Variants in DENND6A observed in about 807,000 individuals in gnomAD.
DENND6A encodes the protein protein DENND6A.
In DENND6A, 43 loss-of-function variants were observed where a neutral mutation model predicts 95.5. The ratio of observed to expected loss-of-function variants is 0.45; its 90% CI spans 0.35 to 0.58. The LOEUF (loss-of-function observed/expected upper bound fraction) is 0.58. Ranked by LOEUF, DENND6A falls within the 20% of genes least tolerant of loss-of-function variation. The pLI is 0.00. For missense variants in DENND6A, 574 were observed against 736.0 expected, an observed-to-expected ratio of 0.78 and a Z score of 2.55; for synonymous variants, 257 against 260.4, an observed-to-expected ratio of 0.99 and a Z score of 0.13.
At position 57,628,253 on chromosome 3, in the gene DENND6A, C is replaced by A. The variant is rs764217541; in HGVS notation, c.1788G>T (p.Glu596Asp). The A allele has an allele frequency of 1.9e-5, 31 of 1,613,988 alleles. No individual in the cohort carries two copies. Among genetic ancestry groups the A allele is most frequent in the Non-Finnish European group, 2.6e-5 (31 of 1,179,998 alleles). The stretch of plus-strand genomic sequence containing the variant: ...TTTTGAGCAGTATGCCTTGCAAGTC[C>A]TCTGGCAATGCTAAGATAATGGCAT... Reference protein sequence around the residue: ...HIDAIILALPEDLQGILLKTG... With the variant: ...HIDAIILALPDDLQGILLKTG... The change falls in exon 20 of 20, where the codon GAG becomes GAT. Residue 596 changes from glutamate to aspartate, a missense_variant. By Grantham distance (45) the Glu-to-Asp change is conservative. Around this residue, in one of 2 missense-constraint regions of DENND6A, gnomAD observed 452 missense variants for 630.9 expected, o/e 0.72. Coordinates refer to ENST00000311128, the MANE Select transcript of DENND6A (RefSeq NM_152678.3).
At chr3:57,634,470 A>ATTAGTAT (rs2153412353) in intron 14 of DENND6A, 88 bp downstream of exon 14, 2 of 641,820 alleles carry the variant, frequency 3.1e-6, no homozygotes, top group Admixed American at 4.2e-5. Context: ...CCTATTTCAC[A>ATTAGTAT]TTAGTATACA....
At position 57,672,418 on chromosome 3, in the gene DENND6A, G is replaced by A. The variant is rs764169037; in HGVS notation, c.258C>T (p.Ser86=). Residue 86 remains serine, a synonymous_variant, in exon 2 of 20, where the codon TCC becomes TCT. Coordinates refer to ENST00000311128, the MANE Select transcript of DENND6A (RefSeq NM_152678.3). ...QAVEVIYPQH[S]KLTDREKTNI... ...TACTTACTTCTCTGTCAGTAAGTTT[G>A]GAATGCTGAGGATAAATTACCTGGA... 1.2e-6 allele frequency: 2 copies of A among 1,612,438 alleles called. No individual in the cohort carries two copies. Among genetic ancestry groups the A allele is most frequent in the Non-Finnish European group, 1.7e-6 (2 of 1,179,290 alleles).
intron 4 of DENND6A, 137 bp from the exon 5 acceptor site, chr3:57,663,853 A>T (rs967631876): frequency 2.1e-5 from 9 of 432,962 alleles, no homozygotes; most frequent in Non-Finnish European, 3.7e-5. Context: ...ATATACACGA[A>T]GAGCTAGTTA....
intron 9 of DENND6A, chr3:57,654,874 ATTC>A: frequency 1.3e-6 from 1 of 795,676 alleles, no homozygotes; most frequent in Non-Finnish European, 1.5e-6. Context: ...GTAAACTTTC[ATTC>A]ACACTAATAA....
At chr3:57,641,868 A>C (rs1289213726) in intron 11 of DENND6A, 121 bp from the exon 12 acceptor site, 3 of 687,280 alleles carry the variant, frequency 4.4e-6, no homozygotes. Context: ...TCCTTTATTC[A>C]ACACATTACA....
At chr3:57,646,628 A>T (rs561899716) in intron 9 of DENND6A, among the ~76,000 whole-genome samples, 190 bp from the exon 10 acceptor site, 5 of 152,360 alleles carry the variant, frequency 3.3e-5, no homozygotes, top group Admixed American at 2.0e-4. Flanking sequence ...CCACATAAAA[A>T]TATCTATCAA....
At chr3:57,653,488 G>A (rs2071253206) in intron 9 of DENND6A, among the ~76,000 whole-genome samples, 2 of 151,968 alleles carry the variant, frequency 1.3e-5, no homozygotes, top group African/African-American at 4.8e-5. Context: ...GCTCACGCCT[G>A]TAATCCCAGC....
chr3:57,686,927 G>A (rs2077216552), intron 1 of DENND6A, among the ~76,000 whole-genome samples: 1 of 152,204 alleles, frequency 6.6e-6, no homozygotes, highest in Admixed American at 6.5e-5. Context: ...AATGATTTAA[G>A]TTTAATGAGG....
At chr3:57,659,720 T>C (rs2071388945) in intron 7 of DENND6A, among the ~76,000 whole-genome samples, 1 of 152,174 alleles carries the variant, frequency 6.6e-6, no homozygotes, top group Non-Finnish European at 1.5e-5. Context: ...CTATACAAAG[T>C]CTGAGAGCAA....
chr3:57,684,768 A>T (rs1170533174), intron 1 of DENND6A, among the ~76,000 whole-genome samples: 3 of 152,184 alleles, frequency 2.0e-5, no homozygotes, highest in Non-Finnish European at 4.4e-5. Flanking sequence ...GTCTCAAATA[A>T]ATAAATAAAG....
At chr3:57,672,891 A>C (rs1308099166) in intron 1 of DENND6A, among the ~76,000 whole-genome samples, 4 of 152,090 alleles carry the variant, frequency 2.6e-5, no homozygotes, top group African/African-American at 9.7e-5. Context: ...ACGGATAAAG[A>C]AAATGCAGTA....
At chr3:57,686,016 G>T (rs527805857) in intron 1 of DENND6A, among the ~76,000 whole-genome samples, 1 of 152,160 alleles carries the variant, frequency 6.6e-6, no homozygotes, top group African/African-American at 2.4e-5. Flanking sequence ...CTCTGGAACT[G>T]ATTCTGATTA....
At position 57,631,728 on chromosome 3, in the gene DENND6A, T is replaced by C. The variant is rs1575811475; in HGVS notation, c.1354-750A>G. ...TGGTCTCTGCTCTCTTTTTTTTTTTTTTTTTTTTTTTTGAGACGGAGTCTC... is the reference window on the plus strand; with the variant it reads ...TGGTCTCTGCTCTCTTTTTTTTTTTCTTTTTTTTTTTTGAGACGGAGTCTC... On this transcript the variant is annotated intron_variant, in intron 15 of 19. Transcript: ENST00000311128. 2.8e-5 allele frequency among the ~76,000 whole-genome samples: 4 copies of C among 143,926 alleles called. No individual in the cohort carries two copies. In the East Asian group the frequency reaches 8.1e-4, roughly 29 times the overall value. 94.4% of individuals were successfully genotyped at this position (143,926 alleles called of 152,430 possible). A position where few individuals can be genotyped will look rare whatever the true frequency, so the allele number is the denominator to read the frequency against.
In DENND6A at chr3:57,646,442, A is replaced by C. The variant is rs771694443; in HGVS notation, c.819-4T>G. 7 of 1,610,942 alleles carry C rather than the reference A, an allele frequency of 4.3e-6. No homozygotes were observed. The African/African-American group carries it at 9.4e-5, about 22-fold the overall frequency. On this transcript the variant is annotated splice_polypyrimidine_tract_variant and splice_region_variant and intron_variant, in intron 9 of 19. Coordinates refer to ENST00000311128, the MANE Select transcript of DENND6A (RefSeq NM_152678.3). ...AAGGAAAACTGGGCAGAAACACCTG[A>C]AAGGTGATGCACAGTAGAAATACTT...
intron 1 of DENND6A, among the ~76,000 whole-genome samples, chr3:57,677,834 T>G (rs755207303): frequency 1.3e-5 from 2 of 152,186 alleles, no homozygotes; most frequent in Non-Finnish European, 2.9e-5. Context: ...CTTCCTGGCT[T>G]TGTATCAGAC....
chr3:57,630,406 A>G lies in DENND6A; in HGVS notation c.1620+15T>C. 1 of 1,568,474 alleles carries G rather than the reference A, an allele frequency of 6.4e-7. No homozygotes were observed. Reference sequence around the variant, plus strand: ...AACAGTTGTTAATCATTACACAAACACACAGTTTTCGAACCTCTTCACAAA... The same window carrying G: ...AACAGTTGTTAATCATTACACAAACGCACAGTTTTCGAACCTCTTCACAAA... On this transcript the variant is annotated intron_variant, in intron 18 of 19. Transcript: ENST00000311128.
chr3:57,687,659 G>A (rs2077222917), intron 1 of DENND6A, among the ~76,000 whole-genome samples: 1 of 152,198 alleles, frequency 6.6e-6, no homozygotes, highest in African/African-American at 2.4e-5. Flanking sequence ...ACAGCCAGGT[G>A]TGGTCGCTCA....
intron 3 of DENND6A, among the ~76,000 whole-genome samples, chr3:57,667,480 T>A (rs1404939382): frequency 6.6e-6 from 1 of 152,120 alleles, no homozygotes; most frequent in Non-Finnish European, 1.5e-5. Flanking sequence ...TTTATATTTG[T>A]ACAAACATAG....
chr3:57,663,121 A>AG (rs1240441864), intron 5 of DENND6A, among the ~76,000 whole-genome samples: 1 of 146,178 alleles, frequency 6.8e-6, no homozygotes, highest in Non-Finnish European at 1.5e-5. Context: ...ACTGAACTCC[A>AG]GCCTGGGCGA....
Sources: gnomAD v4.1 joint callset for allele counts (sites outside exome capture counted in the v4.1 genomes callset) on GRCh38, gnomAD v4.1.1 for gene constraint, gnomAD v4.1.1 regional missense constraint, MANE v1.5 for transcripts, NCBI Gene and HGNC (gene_info 2026-07-23, HGNC 2026-07-21) for gene names.